Variants in ANKMY1 observed in about 807,000 individuals in gnomAD.
The protein encoded by ANKMY1 is ankyrin repeat and MYND domain-containing protein 1.
Under a neutral mutation model 102.0 loss-of-function variants are expected in ANKMY1, and 98 were observed. That is an observed-to-expected ratio of 0.96 (90% CI 0.82 to 1.14). The LOEUF is 1.14. ANKMY1 is among the 50% of genes most tolerant of loss of function. ANKMY1 has a pLI of 0.00. For missense variants in ANKMY1, 1,330 were observed against 1,347.6 expected (o/e 0.99, Z 0.20); for synonymous variants, 582 against 559.9 (o/e 1.04, Z -0.56).
Position 240,499,851 on chromosome 2 carries a change from GCCCCTCCA to G in ANKMY1, c.2806+99_2806+106del. ...AGCCGACGAGCCCAGCCCCAGGAAG[GCCCCTCCA>G]AGAGCCCCAGGGGGTCCAGATCTCC... is the stretch of plus-strand genomic sequence containing the variant. On this transcript the variant is annotated intron_variant, in intron 15 of 17. Coordinates refer to ENST00000401804, the MANE Select transcript of ANKMY1 (RefSeq NM_001282771.3). The surrounding 1 kb of genome is among the most constrained non-coding windows in gnomAD (Gnocchi z 4.2). 4.4e-6 allele frequency: 6 copies of G among 1,373,938 alleles called. No homozygotes were observed. The highest frequency in any genetic ancestry group is 2.8e-5 in the Admixed American group (1 of 36,256). 85.1% of individuals were successfully genotyped at this position (1,373,938 alleles called of 1,614,324 possible).
In ANKMY1 at chr2:240,529,016, G is replaced by A. The variant is rs773469185; in HGVS notation, c.953+21C>T. ...TGCACAGTGCACGGCCCTAGGGGAGGAGCAGTAGCAGACTAGTCACCTGAA... is the reference window on the plus strand; with the variant it reads ...TGCACAGTGCACGGCCCTAGGGGAGAAGCAGTAGCAGACTAGTCACCTGAA... On this transcript the variant is annotated intron_variant, in intron 5 of 17. Coordinates refer to ENST00000401804, the MANE Select transcript of ANKMY1 (RefSeq NM_001282771.3). This position sits in a 1 kb window ranked among gnomAD's most constrained non-coding sequence, Gnocchi z 4.2. 7 of 1,609,230 alleles carry A rather than the reference G, an allele frequency of 4.3e-6. No homozygotes were observed. In the African/African-American group the frequency reaches 5.3e-5, roughly 12 times the overall value.
downstream of ANKMY1, among the ~76,000 whole-genome samples, chr2:240,478,070 C>T (rs939204026): frequency 1.3e-5 from 2 of 152,076 alleles, no homozygotes; most frequent in Non-Finnish European, 2.9e-5. Flanking sequence ...AGAATTCTCA[C>T]GAGATCTGGC....
chr2:240,499,669 A>G lies in ANKMY1; in HGVS notation c.2806+289T>C, dbSNP rs112035160. On this transcript the variant is annotated intron_variant, in intron 15 of 17. Transcript: ENST00000401804. The surrounding 1 kb of genome is among the most constrained non-coding windows in gnomAD (Gnocchi z 4.2). The stretch of plus-strand genomic sequence containing the variant: ...CTGGCACTCCTGACAGGGCTCCCGC[A>G]GCAGTGCCTAGTTCTCTCCTGGGCG... Among the ~76,000 whole-genome samples, 5,330 of 152,094 alleles carry G rather than the reference A, an allele frequency of 0.035. 128 individuals carry two copies. Among genetic ancestry groups the G allele is most frequent in the South Asian group, 0.08 (385 of 4,826 alleles).
At chr2:240,536,744 T>C (rs551595979) in intron 4 of ANKMY1, among the ~76,000 whole-genome samples, 43 of 152,356 alleles carry the variant, frequency 2.8e-4, no homozygotes, top group Admixed American at 2.3e-3. Flanking sequence ...AGAAGTCTTA[T>C]AGAGGTGGAT....
chr2:240,507,883 TG>T (rs1304837019), intron 12 of ANKMY1, 192 bp from the exon 13 acceptor site: 8 of 582,108 alleles, frequency 1.4e-5, no homozygotes, highest in African/African-American at 1.9e-5. Flanking sequence ...AGGATGATGC[TG>T]GGCGGGGAGG....
intron 13 of ANKMY1, among the ~76,000 whole-genome samples, chr2:240,502,118 T>C (rs2078292223): frequency 6.6e-6 from 1 of 152,058 alleles, no homozygotes; most frequent in East Asian, 1.9e-4. Context: ...GGTGGGTGGA[T>C]GATGGATCGA....
chr2:240,533,898 G>A (rs148213833), intron 4 of ANKMY1, among the ~76,000 whole-genome samples: 7 of 152,302 alleles, frequency 4.6e-5, no homozygotes, highest in East Asian at 1.9e-4. Context: ...GAGTCCTTCC[G>A]TATCTGCAGT....
At chr2:240,475,936 C>T (rs2074821933), downstream of ANKMY1, among the ~76,000 whole-genome samples, 1 of 152,066 alleles carries the variant, frequency 6.6e-6, no homozygotes, top group South Asian at 2.1e-4. Flanking sequence ...AAGCAGTTTA[C>T]AAACTCAATG....
chr2:240,522,042 G>A (rs561388766), intron 8 of ANKMY1: 1 of 152,338 alleles, frequency 6.6e-6, no homozygotes, highest in East Asian at 1.9e-4. Flanking sequence ...GAGCCTGGCG[G>A]TGGCCAGCTT....
At chr2:240,516,450 T>C (rs1005678778) in intron 9 of ANKMY1, among the ~76,000 whole-genome samples, 1 of 152,224 alleles carries the variant, frequency 6.6e-6, no homozygotes, top group African/African-American at 2.4e-5. Flanking sequence ...TGTATACAGA[T>C]ACGTTGTTCC....
Position 240,479,506 on chromosome 2 carries a change from A to C in ANKMY1, c.*103T>G. 1.4e-6 allele frequency: 2 copies of C among 1,380,072 alleles called. No homozygotes were observed. Among genetic ancestry groups the C allele is most frequent in the South Asian group, 2.4e-5 (2 of 82,842 alleles). 85.5% of individuals were successfully genotyped at this position (1,380,072 alleles called of 1,614,324 possible). ...ACAAAGCATGACCCCAAAGGTGCAG[A>C]AATGCCTGCATTAGGCTGGAAGATT... On this transcript the variant is annotated 3_prime_UTR_variant, in exon 18 of 18. Transcript: ENST00000401804.
chr2:240,500,606 C>T (rs1426667299), intron 13 of ANKMY1, 41 bp from the exon 14 acceptor site: 22 of 1,564,146 alleles, frequency 1.4e-5, no homozygotes, highest in Middle Eastern at 1.7e-4. Context: ...AAGGACATCC[C>T]GGCTACTGGG....
intron 15 of ANKMY1, among the ~76,000 whole-genome samples, chr2:240,498,162 G>A (rs2077514942): frequency 1.3e-5 from 2 of 151,886 alleles, no homozygotes; most frequent in African/African-American, 2.4e-5. Context: ...TGTTTGTGTC[G>A]AGGGGAGGTT....
At chr2:240,555,711 G>C (rs751108576) in intron 2 of ANKMY1, among the ~76,000 whole-genome samples, 1 of 152,076 alleles carries the variant, frequency 6.6e-6, no homozygotes, top group African/African-American at 2.4e-5. Flanking sequence ...CAGACGGATG[G>C]GGCGTCTTAG....
chr2:240,540,970 T>C (rs2088591481), intron 4 of ANKMY1, among the ~76,000 whole-genome samples: 1 of 152,208 alleles, frequency 6.6e-6, no homozygotes, highest in Non-Finnish European at 1.5e-5. Flanking sequence ...AAATTTGACA[T>C]CTGCATCAAG....
chr2:240,547,659 A>T (rs1163671238), intron 4 of ANKMY1, among the ~76,000 whole-genome samples: 1 of 149,494 alleles, frequency 6.7e-6, no homozygotes, highest in Non-Finnish European at 1.5e-5. Flanking sequence ...AAATAGATGC[A>T]ATAAAAAATG....
At chr2:240,476,554 G>C (rs1226913327), downstream of ANKMY1, among the ~76,000 whole-genome samples, 1 of 152,188 alleles carries the variant, frequency 6.6e-6, no homozygotes, top group Non-Finnish European at 1.5e-5. Flanking sequence ...GGGTGGGCCT[G>C]TCCTGGCAGA....
Position 240,506,398 on chromosome 2 carries a change from T to G in ANKMY1, c.2526+1162A>C, listed in dbSNP as rs544962538. Among the ~76,000 whole-genome samples, 35 of 152,316 alleles carry G rather than the reference T, an allele frequency of 2.3e-4. No individual in the cohort carries two copies. Among genetic ancestry groups the G allele is most frequent in the African/African-American group, 8.4e-4 (35 of 41,576 alleles). ...GTGCCGACTACCCACACACACTGTTTCATTCCATCCTCTGCCGCCTATGGA... is the reference window on the plus strand; with the variant it reads ...GTGCCGACTACCCACACACACTGTTGCATTCCATCCTCTGCCGCCTATGGA... On this transcript the variant is annotated intron_variant, in intron 13 of 17. Transcript: ENST00000401804. The surrounding 1 kb of genome is among the most constrained non-coding windows in gnomAD (Gnocchi z 4.9).
At chr2:240,547,811 A>G (rs1327721392) in intron 4 of ANKMY1, among the ~76,000 whole-genome samples, 2 of 149,400 alleles carry the variant, frequency 1.3e-5, no homozygotes, top group Non-Finnish European at 3.0e-5. Flanking sequence ...AGACTAAACC[A>G]GGAAGAAGTT....
Sources: gnomAD v4.1 joint callset for allele counts (sites outside exome capture counted in the v4.1 genomes callset) on GRCh38, gnomAD v4.1.1 for gene constraint, Gnocchi (gnomAD v3.1) non-coding constraint, MANE v1.5 for transcripts, NCBI Gene and HGNC (gene_info 2026-07-23, HGNC 2026-07-21) for gene names.